TTC6: variants seen among roughly 807,000 people sequenced by gnomAD.
TTC6 encodes the protein tetratricopeptide repeat protein 6.
In TTC6, 172 loss-of-function variants were observed where a neutral mutation model predicts 210.4. The ratio of observed to expected loss-of-function variants is 0.82; its 90% CI spans 0.72 to 0.93. The LOEUF (loss-of-function observed/expected upper bound fraction) is 0.93, where lower values mean the gene tolerates loss of function less well. TTC6 is among the 40% of genes least tolerant of loss of function. The probability of loss-of-function intolerance (pLI) is 0.00; values close to 1 mark genes in which losing one functional copy is unlikely to be tolerated. For missense variants in TTC6, 2,414 were observed against 2,318.1 expected, an observed-to-expected ratio of 1.04 and a Z score of -0.85; for synonymous variants, 804 against 819.6, an observed-to-expected ratio of 0.98 and a Z score of 0.32.
chr14:37,716,253 A>G (rs2095852540), intron 6 of TTC6, among the ~76,000 whole-genome samples: 1 of 152,146 alleles, frequency 6.6e-6, no homozygotes. Context: ...AATATGTTCA[A>G]GTAATGTACA....
chr14:37,601,673 T>C (rs1299081052), intron 1 of TTC6, among the ~76,000 whole-genome samples: 2 of 152,152 alleles, frequency 1.3e-5, no homozygotes, highest in Non-Finnish European at 2.9e-5. Context: ...TCCAAACCCA[T>C]TGGGTCTGGC....
intron 5 of TTC6, among the ~76,000 whole-genome samples, chr14:37,710,903 T>C (rs960544803): frequency 1.3e-5 from 2 of 151,440 alleles, no homozygotes; most frequent in Non-Finnish European, 3.0e-5. Context: ...CAGGATATTC[T>C]TATGATTAGG....
chr14:37,728,567 G>T (rs1328636846), intron 7 of TTC6, among the ~76,000 whole-genome samples: 2 of 152,086 alleles, frequency 1.3e-5, no homozygotes, highest in East Asian at 1.9e-4. Flanking sequence ...TTCTACTCTA[G>T]TATGTCTAGC....
intron 23 of TTC6, among the ~76,000 whole-genome samples, chr14:37,808,280 A>G (rs1380759671): frequency 6.6e-6 from 1 of 152,174 alleles, no homozygotes; most frequent in African/African-American, 2.4e-5. Context: ...TGGGTGATAT[A>G]AGGTATCAGA....
intron 20 of TTC6, 86 bp downstream of exon 22, chr14:37,797,033 C>A: frequency 1.7e-6 from 2 of 1,195,846 alleles, no homozygotes; most frequent in Non-Finnish European, 1.1e-6. Context: ...ATATTTTTCA[C>A]AAAATTAAGT....
intron 14 of TTC6, among the ~76,000 whole-genome samples, chr14:37,769,183 G>A (rs1333332757): frequency 2.6e-5 from 4 of 151,690 alleles, no homozygotes; most frequent in Non-Finnish European, 5.9e-5. Flanking sequence ...GCTTTTTGAT[G>A]TGCTGCTGGA....
intron 15 of TTC6, 22 bp downstream of exon 17, chr14:37,787,659 G>C: frequency 7.1e-7 from 1 of 1,412,772 alleles, no homozygotes; most frequent in Non-Finnish European, 9.3e-7. Flanking sequence ...TCAATTACAT[G>C]TATATAGCAA....
chr14:37,642,877 G>A (rs2095694681), intron 1 of TTC6, among the ~76,000 whole-genome samples: 1 of 152,214 alleles, frequency 6.6e-6, no homozygotes, highest in Non-Finnish European at 1.5e-5. Context: ...TCTAAACAGT[G>A]TAACTAATGT....
chr14:37,798,156 T>A (rs1268128988), intron 20 of TTC6, among the ~76,000 whole-genome samples: 1 of 152,124 alleles, frequency 6.6e-6, no homozygotes, highest in Non-Finnish European at 1.5e-5. Flanking sequence ...GCCATATACA[T>A]GTTAAATTTA....
chr14:37,830,327 CAGGT>C (rs2096181734), intron 29 of TTC6, among the ~76,000 whole-genome samples: 4 of 151,886 alleles, frequency 2.6e-5, no homozygotes, highest in Non-Finnish European at 5.9e-5. Context: ...TTGACCACTG[CAGGT>C]TAAATTTATC....
rs149071943 is a variant in TTC6 at position 37,728,676 on chromosome 14, G to A, written c.1818+3674G>A. ...TAGAGGTGCTATATAAGTAACATATGGTGTTTTGGTCCTACTATTATTATT... is the reference window on the plus strand; with the variant it reads ...TAGAGGTGCTATATAAGTAACATATAGTGTTTTGGTCCTACTATTATTATT... On this transcript the variant is annotated intron_variant, in intron 7 of 30. Coordinates refer to ENST00000553443, the Ensembl canonical transcript of TTC6. Among the ~76,000 whole-genome samples, 1,162 of 152,028 alleles carry A rather than the reference G, an allele frequency of 7.6e-3. 15 individuals carry two copies. The highest frequency in any genetic ancestry group is 0.026 in the African/African-American group (1,088 of 41,464).
intron 7 of TTC6, among the ~76,000 whole-genome samples, chr14:37,725,357 T>TAA (rs1555391448): frequency 1.1e-4 from 14 of 129,430 alleles, no homozygotes; most frequent in African/African-American, 1.5e-4. Flanking sequence ...TATATATATA[T>TAA]AATTTTTTTT....
At chr14:37,761,031 T>A (rs2095982834) in intron 14 of TTC6, among the ~76,000 whole-genome samples, 1 of 152,082 alleles carries the variant, frequency 6.6e-6, no homozygotes, top group Non-Finnish European at 1.5e-5. Context: ...AGTGGTTCTG[T>A]CTCACTGGAG....
chr14:37,770,239 G>T (rs1474335243), intron 14 of TTC6, among the ~76,000 whole-genome samples: 2 of 152,118 alleles, frequency 1.3e-5, no homozygotes, highest in African/African-American at 4.8e-5. Flanking sequence ...GGTCAGTTTT[G>T]GAATAGGTAT....
chr14:37,604,580 G>A (rs1271353620), intron 1 of TTC6, among the ~76,000 whole-genome samples: 1 of 152,098 alleles, frequency 6.6e-6, no homozygotes, highest in African/African-American at 2.4e-5. Flanking sequence ...GGGTGTCTGG[G>A]CATGCCTCTC....
intron 29 of TTC6, chr14:37,837,564 T>C: frequency 6.5e-6 from 2 of 308,230 alleles, no homozygotes; most frequent in Non-Finnish European, 1.3e-5. Context: ...TCTCCATGTA[T>C]AGACACTGGG....
chr14:37,599,151 G>A (rs1397982051), intron 1 of TTC6, among the ~76,000 whole-genome samples: 1 of 152,184 alleles, frequency 6.6e-6, no homozygotes, highest in Non-Finnish European at 1.5e-5. Flanking sequence ...GCTGGGGAAG[G>A]GGCCAGGGAG....
At chr14:37,832,329 C>CTTTTTTTTTTTTTTTTTTTTTTTTTTTT (rs58133834) in intron 29 of TTC6, among the ~76,000 whole-genome samples, 5 of 68,916 alleles carry the variant, frequency 7.3e-5, no homozygotes, top group African/African-American at 1.7e-4. Context: ...TTCTTTCTCT[C>CTTTTTTTTTTTTTTTTTTTTTTTTTTTT]TTTTTTTTTT....
At chr14:37,787,501 A>G (rs994925340) in exon 15 of TTC6, 164 of 1,529,468 alleles carry the variant, frequency 1.1e-4, no homozygotes, top group Admixed American at 6.7e-4. Flanking sequence ...TTAAATGGAA[A>G]TTTTATAAAG....
Sources: gnomAD v4.1 joint callset for allele counts (sites outside exome capture counted in the v4.1 genomes callset) on GRCh38, gnomAD v4.1.1 for gene constraint, MANE v1.5 for transcripts, NCBI Gene and HGNC (gene_info 2026-07-23, HGNC 2026-07-21) for gene names.